The following CTNNA2 variants were observed in gnomAD, a reference collection of about 807,000 sequenced individuals.
CTNNA2 encodes the protein catenin alpha-2.
A neutral mutation model predicts 101.0 loss-of-function variants in CTNNA2; 42 were observed. The observed-to-expected ratio is 0.42, with a 90% CI of 0.32 to 0.54. The LOEUF is 0.54. CTNNA2 is among the 20% of genes least tolerant of loss of function. The probability of loss-of-function intolerance (pLI) is 0.14; values close to 1 mark genes in which losing one functional copy is unlikely to be tolerated. For synonymous variants in CTNNA2, 450 were observed against 456.4 expected, an observed-to-expected ratio of 0.99 and a Z score of 0.18; for missense variants, 871 against 1,223.1, an observed-to-expected ratio of 0.71 and a Z score of 4.29.
intron 7 of CTNNA2, among the ~76,000 whole-genome samples, chr2:80,073,145 T>C (rs1698449660): frequency 6.6e-6 from 1 of 152,224 alleles, no homozygotes; most frequent in South Asian, 2.1e-4. Context: ...TTGCAGCCAG[T>C]CTTCTCTACA....
chr2:80,524,131 C>T (rs538481371), intron 9 of CTNNA2, among the ~76,000 whole-genome samples: 3 of 152,196 alleles, frequency 2.0e-5, no homozygotes, highest in Non-Finnish European at 4.4e-5. Flanking sequence ...GGGACTGTGG[C>T]ACAGTGGGAG....
intron 9 of CTNNA2, among the ~76,000 whole-genome samples, chr2:80,502,751 A>T (rs1374876804): frequency 6.6e-6 from 1 of 152,158 alleles, no homozygotes; most frequent in Admixed American, 6.5e-5. Context: ...AAAAGAAGAC[A>T]AATGGCCCTT....
chr2:80,383,736 G>C (rs1251196538), intron 7 of CTNNA2, among the ~76,000 whole-genome samples: 1 of 151,828 alleles, frequency 6.6e-6, no homozygotes, highest in Non-Finnish European at 1.5e-5. Context: ...ATTATGAAGG[G>C]GAGACCAGAT....
At chr2:79,926,984 A>G (rs1038922731) in intron 7 of CTNNA2, among the ~76,000 whole-genome samples, 5 of 152,140 alleles carry the variant, frequency 3.3e-5, no homozygotes, top group African/African-American at 1.2e-4. Context: ...AGAGCTTGAA[A>G]TATTTGAAAG....
At chr2:79,824,656 T>C (rs1005590533) in intron 3 of CTNNA2, among the ~76,000 whole-genome samples, 2 of 152,156 alleles carry the variant, frequency 1.3e-5, no homozygotes, top group Non-Finnish European at 2.9e-5. Flanking sequence ...AAGATATTTT[T>C]TAAATGTAGA....
chr2:79,195,646 C>T (rs1379468923), intron 1 of CTNNA2, among the ~76,000 whole-genome samples: 1 of 152,166 alleles, frequency 6.6e-6, no homozygotes, highest in Non-Finnish European at 1.5e-5. Context: ...GCCAGCAGGC[C>T]TCTGCAGTGC....
chr2:80,082,621 A>C (rs1699219584), intron 7 of CTNNA2, among the ~76,000 whole-genome samples: 2 of 152,140 alleles, frequency 1.3e-5, no homozygotes, highest in African/African-American at 4.8e-5. Context: ...AGAGTTTTAA[A>C]ATTCAAAATA....
rs1337053265 is a variant in CTNNA2 at position 79,942,594 on chromosome 2, G to T, written c.1056+32797G>T. ...TAGGAACAGTGTGCCAAATGAGGAG[G>T]TCTTGCCAATAATATTCTGATAATG... On this transcript the variant is annotated intron_variant, in intron 7 of 18. Coordinates refer to ENST00000402739, the MANE Select transcript of CTNNA2 (RefSeq NM_001282597.3). 2.0e-5 allele frequency among the ~76,000 whole-genome samples: 3 copies of T among 152,252 alleles called. No individual in the cohort carries two copies. In the East Asian group the frequency reaches 5.8e-4, roughly 29 times the overall value.
At chr2:79,412,150 G>A (rs960652534) in intron 4 of CTNNA2, among the ~76,000 whole-genome samples, 52 of 152,168 alleles carry the variant, frequency 3.4e-4, no homozygotes, top group African/African-American at 1.2e-3. Flanking sequence ...GACAAAGAAG[G>A]CCATTACAGA....
intron 1 of CTNNA2, among the ~76,000 whole-genome samples, chr2:79,632,620 G>A (rs180985141): frequency 1.3e-5 from 2 of 152,322 alleles, no homozygotes; most frequent in South Asian, 2.1e-4. Context: ...TTGATGGTGA[G>A]TAGTATTTCT....
chr2:79,875,016 G>T (rs563662930), intron 6 of CTNNA2, among the ~76,000 whole-genome samples: 1 of 152,168 alleles, frequency 6.6e-6, no homozygotes, highest in African/African-American at 2.4e-5. Context: ...TTTTAAATCA[G>T]TGATAAAGTA....
At chr2:79,233,117 T>G (rs1190388460) in intron 2 of CTNNA2, among the ~76,000 whole-genome samples, 5 of 152,188 alleles carry the variant, frequency 3.3e-5, no homozygotes, top group African/African-American at 1.2e-4. Context: ...TGTTGTATTT[T>G]TTTTCTTTAG....
intron 4 of CTNNA2, among the ~76,000 whole-genome samples, chr2:79,376,791 C>T (rs1223028153): frequency 2.0e-5 from 3 of 152,072 alleles, no homozygotes; most frequent in Admixed American, 6.6e-5. Flanking sequence ...CAGCTTCATA[C>T]ATGTCCCTAC....
rs111398787 is a variant in CTNNA2 at position 79,296,802 on chromosome 2, T to C, written c.-405-15907T>C. On this transcript the variant is annotated intron_variant, in intron 2 of 21. Coordinates refer to the CTNNA2 transcript ENST00000466387. ...AAACAGCTCTCTGCTTGGGGAAGCT[T>C]GCATGGGTTTTAACTCCTTACATTC... Among the ~76,000 whole-genome samples the C allele has an allele frequency of 4.5e-3, 691 of 152,200 alleles. 8 individuals are homozygous for C. Among genetic ancestry groups the C allele is most frequent in the African/African-American group, 0.016 (653 of 41,550 alleles).
intron 7 of CTNNA2, among the ~76,000 whole-genome samples, chr2:80,311,663 A>C (rs1049138325): frequency 1.3e-5 from 2 of 152,240 alleles, no homozygotes; most frequent in African/African-American, 4.8e-5. Flanking sequence ...AGCATTACTT[A>C]AAATGCTCTA....
chr2:79,458,227 T>C (rs759022617), intron 4 of CTNNA2, among the ~76,000 whole-genome samples: 80 of 152,232 alleles, frequency 5.3e-4, no homozygotes, highest in Non-Finnish European at 9.4e-4. Context: ...TTCTTGTGTC[T>C]TCACATGATT....
intron 4 of CTNNA2, among the ~76,000 whole-genome samples, chr2:79,390,647 C>G (rs1344175020): frequency 6.6e-6 from 1 of 152,154 alleles, no homozygotes; most frequent in Non-Finnish European, 1.5e-5. Flanking sequence ...GCAAACCCAG[C>G]TAATAGCTAT....
intron 7 of CTNNA2, among the ~76,000 whole-genome samples, chr2:80,000,205 G>A (rs1485115653): frequency 5.3e-5 from 8 of 152,232 alleles, no homozygotes; most frequent in Admixed American, 6.5e-5. Flanking sequence ...ATGTTTTGCC[G>A]AGTGGTAGAA....
chr2:79,389,682 A>G (rs182481802), intron 4 of CTNNA2, among the ~76,000 whole-genome samples: 140 of 152,314 alleles, frequency 9.2e-4, no homozygotes, highest in African/African-American at 3.1e-3. Flanking sequence ...CTTACACAAC[A>G]TGAATGAATT....
Sources: gnomAD v4.1 joint callset for allele counts (sites outside exome capture counted in the v4.1 genomes callset) on GRCh38, gnomAD v4.1.1 for gene constraint, MANE v1.5 for transcripts, NCBI Gene and HGNC (gene_info 2026-07-23, HGNC 2026-07-21) for gene names.